Variants in RAB38 observed in about 807,000 individuals in gnomAD.
RAB38 encodes the protein ras-related protein Rab-38.
A neutral mutation model predicts 18.4 loss-of-function variants in RAB38; 15 were observed. The observed-to-expected ratio is 0.82, with a 90% CI of 0.55 to 1.26. The LOEUF is 1.26. RAB38 is among the 50% of genes most tolerant of loss of function. The pLI, the probability that RAB38 is intolerant of heterozygous loss-of-function variation, is 0.00. For missense variants in RAB38, 294 were observed against 267.4 expected (o/e 1.10, Z -0.69); for synonymous variants, 101 against 104.4 (o/e 0.97, Z 0.20).
the RAB38 span, among the ~76,000 whole-genome samples, chr11:87,965,554 A>G: frequency 6.6e-6 from 1 of 152,130 alleles, no homozygotes; most frequent in Admixed American, 6.5e-5. Context: ...TTTAGGGTTT[A>G]TAGGGTCAGG....
At chr11:88,157,347 A>T (rs1943139117) in intron 1 of RAB38, among the ~76,000 whole-genome samples, 1 of 152,234 alleles carries the variant, frequency 6.6e-6, no homozygotes, top group South Asian at 2.1e-4. Flanking sequence ...TTCATAAAAC[A>T]AGTACTTCTA....
the RAB38 span, among the ~76,000 whole-genome samples, chr11:88,043,384 G>A: frequency 6.6e-6 from 1 of 152,128 alleles, no homozygotes; most frequent in African/African-American, 2.4e-5. Flanking sequence ...CAGGGAAGGA[G>A]ATAGGGAGGA....
the RAB38 span, among the ~76,000 whole-genome samples, chr11:87,857,127 C>T: frequency 0.057 from 8,670 of 151,166 alleles, 365 homozygotes; most frequent in African/African-American, 0.12. Context: ...GGTTTTTTGT[C>T]CTTGTGATAG....
chr11:87,888,044 G>C, the RAB38 span, among the ~76,000 whole-genome samples: 1 of 151,676 alleles, frequency 6.6e-6, no homozygotes, highest in Non-Finnish European at 1.5e-5. Flanking sequence ...CCAGACTCTT[G>C]TTCTGTATAT....
the RAB38 span, chr11:87,815,957 GT>G: frequency 6.6e-6 from 1 of 152,374 alleles, no homozygotes; most frequent in Non-Finnish European, 1.5e-5. Flanking sequence ...GCTAATATGA[GT>G]GACTGAAGAG....
At chr11:87,930,137 C>G in the RAB38 span, among the ~76,000 whole-genome samples, 1 of 151,974 alleles carries the variant, frequency 6.6e-6, no homozygotes, top group Admixed American at 6.6e-5. Flanking sequence ...GAGGAATCGC[C>G]ACACTGACTT....
the RAB38 span, among the ~76,000 whole-genome samples, chr11:87,956,984 G>GC: frequency 2.7e-4 from 9 of 33,400 alleles, no homozygotes; most frequent in Non-Finnish European, 1.1e-3. Flanking sequence ...GCAGTTTTTT[G>GC]GGGGGGGGTC....
the RAB38 span, among the ~76,000 whole-genome samples, chr11:88,053,416 CACACACATATATATGGAATATATATATAT>C: frequency 1.3e-3 from 124 of 95,644 alleles, 2 homozygotes; most frequent in Middle Eastern, 7.6e-3. Flanking sequence ...TATATATATA[CACACACATATATATGGAATATATATATAT>C]ACACACATAT....
chr11:87,941,216 T>G, the RAB38 span, among the ~76,000 whole-genome samples: 8 of 99,452 alleles, frequency 8.0e-5, no homozygotes, highest in Middle Eastern at 6.1e-3. Context: ...ATATATGAGA[T>G]ATATATATAT....
chr11:88,050,223 T>C, the RAB38 span: 1 of 152,186 alleles, frequency 6.6e-6, no homozygotes, highest in Admixed American at 6.5e-5. Context: ...AACTGTGACA[T>C]TGTCAATGGT....
the RAB38 span, among the ~76,000 whole-genome samples, chr11:87,889,220 G>T: frequency 1.3e-5 from 2 of 151,904 alleles, no homozygotes; most frequent in Middle Eastern, 3.4e-3. Flanking sequence ...GGGAGCAGAG[G>T]GCCCCTTACT....
the RAB38 span, among the ~76,000 whole-genome samples, chr11:87,950,772 C>A: frequency 6.6e-6 from 1 of 152,208 alleles, no homozygotes; most frequent in African/African-American, 2.4e-5. Flanking sequence ...GTCTGATGGC[C>A]TTCCCTTTGT....
chr11:88,069,910 T>A, the RAB38 span, among the ~76,000 whole-genome samples: 1 of 152,152 alleles, frequency 6.6e-6, no homozygotes, highest in African/African-American at 2.4e-5. Context: ...TGTGTCTAGC[T>A]CAGGGATTGT....
the RAB38 span, among the ~76,000 whole-genome samples, chr11:87,843,381 C>T: frequency 2.6e-5 from 4 of 152,118 alleles, no homozygotes; most frequent in African/African-American, 9.7e-5. Flanking sequence ...AGGTTAAGTA[C>T]TAAGAAGTTT....
the RAB38 span, among the ~76,000 whole-genome samples, chr11:88,020,596 G>C: frequency 6.6e-6 from 1 of 152,130 alleles, no homozygotes; most frequent in Non-Finnish European, 1.5e-5. Flanking sequence ...CTACAGAACA[G>C]ATGGACTTAA....
At chr11:87,893,390 A>ATTTTT in the RAB38 span, among the ~76,000 whole-genome samples, 3 of 93,872 alleles carry the variant, frequency 3.2e-5, no homozygotes, top group Non-Finnish European at 4.1e-5. Context: ...ATATATATAT[A>ATTTTT]TTTTTTTTTT....
the RAB38 span, among the ~76,000 whole-genome samples, chr11:88,067,930 C>T: frequency 6.9e-6 from 1 of 145,786 alleles, no homozygotes; most frequent in African/African-American, 2.6e-5. Flanking sequence ...TATATATATA[C>T]ACACACACAT....
chr11:87,846,645 C>CA, the RAB38 span, among the ~76,000 whole-genome samples: 2 of 151,832 alleles, frequency 1.3e-5, no homozygotes, highest in Non-Finnish European at 2.9e-5. Flanking sequence ...ACCAATGAGA[C>CA]AAAAAGTCAG....
chr11:88,025,847 A>G, the RAB38 span, among the ~76,000 whole-genome samples: 5 of 151,900 alleles, frequency 3.3e-5, no homozygotes, highest in Admixed American at 6.6e-5. Flanking sequence ...TTGACAGTTT[A>G]TTTTGCTGTG....
Sources: gnomAD v4.1 joint callset for allele counts (sites outside exome capture counted in the v4.1 genomes callset) on GRCh38, gnomAD v4.1.1 for gene constraint, MANE v1.5 for transcripts, NCBI Gene and HGNC (gene_info 2026-07-23, HGNC 2026-07-21) for gene names.